The following NDUFS5 variants were observed in gnomAD, a reference collection of about 807,000 sequenced individuals.
NDUFS5 encodes the protein NADH dehydrogenase [ubiquinone] iron-sulfur protein 5.
In NDUFS5, 7 loss-of-function variants were observed where a neutral mutation model predicts 10.5. The observed-to-expected ratio is 0.66, with a 90% confidence interval of 0.38 to 1.25. The LOEUF (loss-of-function observed/expected upper bound fraction) is 1.25. Among genes scored for constraint, NDUFS5 ranks in the 50% most tolerant of loss-of-function variants. The pLI is 0.02. For missense variants in NDUFS5, 148 were observed against 140.7 expected (o/e 1.05, Z -0.26); for synonymous variants, 38 against 44.0 (o/e 0.86, Z 0.54).
rs1053155501 is a variant in NDUFS5 at position 39,029,096 on chromosome 1, G to A, written c.216+156G>A. Among the ~76,000 whole-genome samples the A allele has an allele frequency of 9.9e-5, 15 of 151,510 alleles. No homozygotes were observed. In the East Asian group the frequency reaches 1.7e-3, roughly 18 times the overall value. ...TAGCCTCTGCCTCCCAGGTTCAGGC[G>A]ATTCGCGTACCTCAGCCTCCCGAGT... On this transcript the variant is annotated intron_variant, in intron 2 of 2. Transcript: ENST00000372969.
At chr1:39,028,247 C>A (rs111586185) in intron 1 of NDUFS5, among the ~76,000 whole-genome samples, 2,679 of 151,910 alleles carry the variant, frequency 0.018, 76 homozygotes, top group African/African-American at 0.061. Flanking sequence ...GCCTCGCCAA[C>A]ATGCTGAAAC....
At chr1:39,027,521 T>G (rs905457223) in intron 1 of NDUFS5, among the ~76,000 whole-genome samples, 8 of 151,788 alleles carry the variant, frequency 5.3e-5, no homozygotes, top group Non-Finnish European at 1.0e-4. Context: ...CATGTAAATT[T>G]TTTTCCCTAC....
chr1:39,028,609 C>A, intron 1 of NDUFS5, 114 bp from the exon 2 acceptor site: 1 of 911,782 alleles, frequency 1.1e-6, no homozygotes, highest in Middle Eastern at 3.2e-4. Flanking sequence ...TAATATCAAA[C>A]AGTGTTCTAG....
At position 39,028,836 on chromosome 1, in the gene NDUFS5, A is replaced by G; in HGVS notation, c.112A>G (p.Lys38Glu). Residue 38 changes from lysine to glutamate, a missense_variant, in exon 2 of 3, where the codon AAA becomes GAA. Coordinates refer to ENST00000372969, the MANE Select transcript of NDUFS5 (RefSeq NM_004552.3). ...GGCTGGTCGATGCCATGCTTTTGAA[A>G]AAGAATGGATAGAATGTGCACATGG... ...KMAGRCHAFEKEWIECAHGIG... is the reference protein window; with the variant it reads ...KMAGRCHAFEEEWIECAHGIG... 1 of 1,614,186 alleles carries G rather than the reference A, an allele frequency of 6.2e-7. No homozygotes were observed. Among genetic ancestry groups the G allele is most frequent in the Non-Finnish European group, 8.5e-7 (1 of 1,180,042 alleles).
rs760373747 is a variant in NDUFS5 at position 39,027,581 on chromosome 1, G to GTTTTTTTTTTTTTTTTT, written c.-2-1127_-2-1126insTTTTTTTTTTTTTTTTT. Reference sequence around the variant, plus strand: ...GTCTTAACCCATTTCTTTCGCTCTGGTTTTTTTTTTTTTTTGAGACAGGAT... The same window carrying GTTTTTTTTTTTTTTTTT: ...GTCTTAACCCATTTCTTTCGCTCTGGTTTTTTTTTTTTTTTTTTTTTTTTTTTTTTTTGAGACAGGAT... On this transcript the variant is annotated intron_variant, in intron 1 of 2. Transcript: ENST00000372969. Among the ~76,000 whole-genome samples the GTTTTTTTTTTTTTTTTT allele has an allele frequency of 1.4e-3, 130 of 91,138 alleles. 18 individuals carry two copies. The highest frequency in any genetic ancestry group is 1.7e-3 in the Non-Finnish European group (76 of 45,274). 59.8% of individuals were successfully genotyped at this position (91,138 alleles called of 152,430 possible). A position where few individuals can be genotyped will look rare whatever the true frequency, so the allele number is the denominator to read the frequency against.
chr1:39,029,503 C>T (rs375899335), intron 2 of NDUFS5, among the ~76,000 whole-genome samples: 4 of 152,234 alleles, frequency 2.6e-5, no homozygotes, highest in African/African-American at 7.2e-5. Flanking sequence ...CTGCTTTAGC[C>T]ACCAGGTTAG....
chr1:39,027,581 G>GTTTTTTTTTTT (rs760373747), intron 1 of NDUFS5, among the ~76,000 whole-genome samples: 18,792 of 89,198 alleles, frequency 0.21, 5,510 homozygotes, highest in Non-Finnish European at 0.33. Context: ...TTTCGCTCTG[G>GTTTTTTTTTTT]TTTTTTTTTT....
intron 1 of NDUFS5, among the ~76,000 whole-genome samples, chr1:39,026,855 C>T (rs1644152118): frequency 6.6e-6 from 1 of 152,226 alleles, no homozygotes; most frequent in Non-Finnish European, 1.5e-5. Context: ...TTGGCGAACT[C>T]GCAAGCCATG....
chr1:39,032,612 A>T (rs1041767195), intron 2 of NDUFS5, among the ~76,000 whole-genome samples: 21 of 152,154 alleles, frequency 1.4e-4, no homozygotes, highest in African/African-American at 4.1e-4. Flanking sequence ...AAAAAAAAAA[A>T]ATCTCAGAGT....
At chr1:39,027,739 CT>C (rs1162808002) in intron 1 of NDUFS5, among the ~76,000 whole-genome samples, 452 of 43,344 alleles carry the variant, frequency 0.01, 12 homozygotes, top group African/African-American at 0.023. Context: ...CCACAAGTGC[CT>C]TTTTTTTTTT....
At chr1:39,030,418 A>AGAAAAT (rs1278499599) in intron 2 of NDUFS5, among the ~76,000 whole-genome samples, 4 of 147,034 alleles carry the variant, frequency 2.7e-5, no homozygotes, top group Non-Finnish European at 3.0e-5. Context: ...AAAAAAAAAA[A>AGAAAAT]AAAGATGGCC....
chr1:39,031,759 C>G (rs898866040), intron 2 of NDUFS5, among the ~76,000 whole-genome samples: 4 of 152,164 alleles, frequency 2.6e-5, no homozygotes, highest in Non-Finnish European at 4.4e-5. Context: ...CTTAAGTGAA[C>G]AGATACCTCC....
In NDUFS5 at chr1:39,034,269, G is replaced by A. The variant is rs182861992; in HGVS notation, c.217-123G>A. On this transcript the variant is annotated intron_variant, in intron 2 of 2. Transcript: ENST00000372969. ...CTTTAAAGGCGGACTTCATTTCAGAGGCCCCGTAAGATGAAAGGCCTTTTG... is the reference window on the plus strand; with the variant it reads ...CTTTAAAGGCGGACTTCATTTCAGAAGCCCCGTAAGATGAAAGGCCTTTTG... 5.0e-6 allele frequency: 4 copies of A among 797,228 alleles called. No individual in the cohort carries two copies. In the Admixed American group the frequency reaches 8.7e-5, roughly 17 times the overall value. The allele number at this position is 797,228 out of a possible 1,614,324, so 49.4% of individuals were successfully genotyped here.
At chr1:39,033,993 G>A (rs1430756253) in intron 2 of NDUFS5, among the ~76,000 whole-genome samples, 1 of 151,062 alleles carries the variant, frequency 6.6e-6, no homozygotes, top group South Asian at 2.1e-4. Context: ...TAGAAACAAG[G>A]TTTTACCTTG....
intron 2 of NDUFS5, among the ~76,000 whole-genome samples, chr1:39,030,841 T>G (rs1302873659): frequency 6.6e-6 from 1 of 152,164 alleles, no homozygotes; most frequent in Non-Finnish European, 1.5e-5. Context: ...TGATGCTGGT[T>G]CTGCCACCAC....
In NDUFS5 at chr1:39,032,916, T is replaced by A. The variant is rs190096400; in HGVS notation, c.217-1476T>A. Among the ~76,000 whole-genome samples, 12 of 152,268 alleles carry A rather than the reference T, an allele frequency of 7.9e-5. No individual in the cohort carries two copies. The East Asian group carries it at 1.7e-3, about 22-fold the overall frequency. ...GCTAGGGGAATATTAAGAGATGAAGTCACTGGAGTAGGCCTTGTAAACCAT... is the reference window on the plus strand; with the variant it reads ...GCTAGGGGAATATTAAGAGATGAAGACACTGGAGTAGGCCTTGTAAACCAT... On this transcript the variant is annotated intron_variant, in intron 2 of 2. Transcript: ENST00000372969.
rs1644171456 is a variant in NDUFS5 at position 39,028,901 on chromosome 1, A to G, written c.177A>G (p.Glu59=). 6.2e-7 allele frequency: 1 copy of G among 1,613,984 alleles called. No homozygotes were observed. The highest frequency in any genetic ancestry group is 8.5e-7 in the Non-Finnish European group (1 of 1,179,974). ...GGGCAGAGAAAGAGTGCAAGATAGAATATGATGATTTCGTAGAGTGTTTGC... is the reference window on the plus strand; with the variant it reads ...GGGCAGAGAAAGAGTGCAAGATAGAGTATGATGATTTCGTAGAGTGTTTGC... ...YTRAEKECKI[E]YDDFVECLLR... Residue 59 remains glutamate, a synonymous_variant, in exon 2 of 3, where the codon GAA becomes GAG. Transcript: ENST00000372969.
intron 1 of NDUFS5, among the ~76,000 whole-genome samples, chr1:39,028,023 T>G (rs1232611618): frequency 6.7e-6 from 1 of 148,520 alleles, no homozygotes; most frequent in Non-Finnish European, 1.5e-5. Flanking sequence ...TTTCACCATA[T>G]TGGCCAGGCT....
chr1:39,030,069 C>T (rs1488802508), intron 2 of NDUFS5, among the ~76,000 whole-genome samples: 5 of 151,250 alleles, frequency 3.3e-5, no homozygotes, highest in Non-Finnish European at 5.9e-5. Flanking sequence ...CCAGCCTGGG[C>T]GACAGAGCGA....
Sources: allele counts gnomAD v4.1 joint callset (sites outside exome capture counted in the v4.1 genomes callset), GRCh38; gene constraint gnomAD v4.1.1; transcripts MANE v1.5; gene names NCBI Gene and HGNC (gene_info 2026-07-23, HGNC 2026-07-21).